Variants in PALLD observed in about 807,000 individuals in gnomAD.
PALLD encodes the protein palladin.
PALLD carries 61 observed loss-of-function variants against 123.5 expected under a neutral mutation model. The observed-to-expected ratio is 0.49, with a 90% CI of 0.40 to 0.61. The LOEUF (loss-of-function observed/expected upper bound fraction) is 0.61, where lower values mean the gene tolerates loss of function less well. Among genes scored for constraint, PALLD ranks in the 20% least tolerant of loss-of-function variants. The pLI is 0.00. For synonymous variants in PALLD, 465 were observed against 496.4 expected (o/e 0.94, Z 0.84); for missense variants, 1,273 against 1,377.0 (o/e 0.92, Z 1.20).
chr4:168,556,102 CT>C (rs1031316808), intron 2 of PALLD, among the ~76,000 whole-genome samples: 28 of 148,664 alleles, frequency 1.9e-4, no homozygotes, highest in Admixed American at 3.4e-4. Flanking sequence ...TATTAATACC[CT>C]TTTTTTTTTT....
chr4:168,761,009 AT>A (rs766877350), intron 10 of PALLD, among the ~76,000 whole-genome samples: 3 of 152,174 alleles, frequency 2.0e-5, no homozygotes. Context: ...TGTCCGATGC[AT>A]TTTTTGTTCT....
intron 10 of PALLD, among the ~76,000 whole-genome samples, chr4:168,768,175 A>G (rs1309840433): frequency 1.3e-5 from 2 of 152,182 alleles, no homozygotes; most frequent in African/African-American, 2.4e-5. Context: ...GATCTTTGAT[A>G]CTACTCTTTT....
At chr4:168,911,811 T>C (rs1249353856) in intron 15 of PALLD, among the ~76,000 whole-genome samples, 3 of 152,206 alleles carry the variant, frequency 2.0e-5, no homozygotes, top group Non-Finnish European at 4.4e-5. Context: ...TCATGTCTCC[T>C]TGGAAATTTT....
At chr4:168,503,669 A>T (rs962041794) in intron 1 of PALLD, among the ~76,000 whole-genome samples, 1 of 151,852 alleles carries the variant, frequency 6.6e-6, no homozygotes, top group African/African-American at 2.4e-5. Flanking sequence ...AAAGAAAAAG[A>T]AAAAGAGAAA....
chr4:168,848,501 TCACAC>T (rs56659968), intron 10 of PALLD, among the ~76,000 whole-genome samples: 20,412 of 151,968 alleles, frequency 0.13, 1,399 homozygotes, highest in Middle Eastern at 0.22. Context: ...AGAAGGCTTC[TCACAC>T]CACCACTGAT....
chr4:168,583,871 C>A (rs1770540541), intron 2 of PALLD, among the ~76,000 whole-genome samples: 1 of 152,174 alleles, frequency 6.6e-6, no homozygotes, highest in African/African-American at 2.4e-5. Context: ...TTTCTTCCAA[C>A]CTTCCAATCC....
chr4:168,546,761 C>T (rs1474183436), intron 2 of PALLD, among the ~76,000 whole-genome samples: 1 of 152,166 alleles, frequency 6.6e-6, no homozygotes, highest in Non-Finnish European at 1.5e-5. Context: ...AGCGCAAATT[C>T]CAAATGATTT....
intron 6 of PALLD, 44 bp from the exon 7 acceptor site, chr4:168,690,559 A>G (rs374664641): frequency 1.9e-6 from 3 of 1,613,270 alleles, no homozygotes; most frequent in Non-Finnish European, 1.7e-6. Context: ...TTAAAAATGC[A>G]CCAAAGTCTG....
intron 3 of PALLD, among the ~76,000 whole-genome samples, chr4:168,680,357 A>G (rs928775947): frequency 2.6e-5 from 4 of 151,448 alleles, no homozygotes; most frequent in Admixed American, 6.6e-5. Context: ...GCGAGGTGGC[A>G]CATGCCTGTA....
At chr4:168,708,931 C>G in intron 8 of PALLD, 97 bp from the exon 9 acceptor site, 1 of 1,039,246 alleles carries the variant, frequency 9.6e-7, no homozygotes, top group Non-Finnish European at 1.5e-6. Context: ...ATAATCATAA[C>G]CTAATTTGTT....
At chr4:168,903,174 G>C (rs975569074) in intron 14 of PALLD, among the ~76,000 whole-genome samples, 1 of 152,064 alleles carries the variant, frequency 6.6e-6, no homozygotes. Context: ...TTTAACCTTT[G>C]ATCATATGCT....
At chr4:168,736,949 A>AAGCGT (rs1787820972) in intron 10 of PALLD, among the ~76,000 whole-genome samples, 1 of 152,232 alleles carries the variant, frequency 6.6e-6, no homozygotes, top group Non-Finnish European at 1.5e-5. Flanking sequence ...GGAAACGAGA[A>AAGCGT]GCTTAACGTG....
At chr4:168,865,032 T>G (rs1445567681) in intron 10 of PALLD, among the ~76,000 whole-genome samples, 2 of 152,246 alleles carry the variant, frequency 1.3e-5, no homozygotes, top group Non-Finnish European at 2.9e-5. Flanking sequence ...TTTCGTGGTT[T>G]TAGTCATTTC....
chr4:168,627,661 CATGAG>C (rs1291035253), intron 2 of PALLD, among the ~76,000 whole-genome samples: 37 of 152,244 alleles, frequency 2.4e-4, no homozygotes, highest in African/African-American at 8.7e-4. Flanking sequence ...TTTTTAATGT[CATGAG>C]ATATCAAGAG....
chr4:168,694,180 G>A (rs1273869839), intron 8 of PALLD, among the ~76,000 whole-genome samples: 1 of 152,174 alleles, frequency 6.6e-6, no homozygotes, highest in African/African-American at 2.4e-5. Context: ...CTATATAGAA[G>A]TATGTAGGAA....
intron 2 of PALLD, among the ~76,000 whole-genome samples, chr4:168,625,748 A>G (rs528255796): frequency 6.6e-6 from 1 of 152,194 alleles, no homozygotes; most frequent in African/African-American, 2.4e-5. Context: ...GGCTGCTATG[A>G]AGAACACAAA....
chr4:168,499,273 T>TGGGAGGGAGGAAGGGAGGGAGGAA (rs1167722625), intron 1 of PALLD, among the ~76,000 whole-genome samples: 2 of 21,426 alleles, frequency 9.3e-5, no homozygotes, highest in African/African-American at 3.8e-4. Flanking sequence ...GGAGGGAGGA[T>TGGGAGGGAGGAAGGGAGGGAGGAA]GGGAGGGAGG....
chr4:168,923,627 A>G (rs1762015237), intron 18 of PALLD, among the ~76,000 whole-genome samples: 1 of 152,004 alleles, frequency 6.6e-6, no homozygotes, highest in African/African-American at 2.4e-5. Context: ...GTTATAATAA[A>G]GCTTTTTTAT....
chr4:168,854,038 G>T (rs1748202506), intron 10 of PALLD, among the ~76,000 whole-genome samples: 1 of 152,116 alleles, frequency 6.6e-6, no homozygotes, highest in South Asian at 2.1e-4. Flanking sequence ...CCTACTCTGT[G>T]GGTTCTATTA....
Sources: gnomAD v4.1 joint callset for allele counts (sites outside exome capture counted in the v4.1 genomes callset) on GRCh38, gnomAD v4.1.1 for gene constraint, MANE v1.5 for transcripts, NCBI Gene and HGNC (gene_info 2026-07-23, HGNC 2026-07-21) for gene names.